Variants in CNTN5 observed in about 807,000 individuals in gnomAD.
CNTN5 encodes the protein contactin-5.
A neutral mutation model predicts 129.1 loss-of-function variants in CNTN5; 77 were observed. The observed-to-expected ratio is 0.60, with a 90% CI of 0.50 to 0.72. The LOEUF is 0.72. Ranked by LOEUF, CNTN5 falls within the 30% of genes least tolerant of loss-of-function variation. The probability of loss-of-function intolerance (pLI) is 0.00; values close to 1 mark genes in which losing one functional copy is unlikely to be tolerated. For missense variants in CNTN5, 1,478 were observed against 1,328.8 expected (o/e 1.11, Z -1.75); for synonymous variants, 509 against 465.6 (o/e 1.09, Z -1.20).
intron 9 of CNTN5, among the ~76,000 whole-genome samples, chr11:100,034,602 C>G (rs964947758): frequency 6.6e-6 from 1 of 152,208 alleles, no homozygotes; most frequent in Non-Finnish European, 1.5e-5. Context: ...GCACCATGGA[C>G]TGGTCACCTG....
intron 2 of CNTN5, among the ~76,000 whole-genome samples, chr11:99,550,309 C>A (rs7112709): frequency 0.11 from 16,608 of 152,136 alleles, 1,145 homozygotes; most frequent in African/African-American, 0.19. Flanking sequence ...TGACAGCAAG[C>A]AATAAGGAGA....
chr11:99,808,689 A>G (rs1232914786), intron 3 of CNTN5, among the ~76,000 whole-genome samples: 1 of 152,280 alleles, frequency 6.6e-6, no homozygotes, highest in Non-Finnish European at 1.5e-5. Context: ...AAAACCATAA[A>G]CATATTTCCA....
At chr11:99,991,668 T>A (rs1939106785) in intron 8 of CNTN5, among the ~76,000 whole-genome samples, 1 of 152,182 alleles carries the variant, frequency 6.6e-6, no homozygotes, top group Non-Finnish European at 1.5e-5. Context: ...CTTAATTCTG[T>A]CTTAATTGGC....
intron 8 of CNTN5, among the ~76,000 whole-genome samples, chr11:99,973,134 A>G (rs562663189): frequency 6.6e-6 from 1 of 152,300 alleles, no homozygotes; most frequent in Non-Finnish European, 1.5e-5. Flanking sequence ...TCCCTTAGAT[A>G]TTCTGATGCA....
chr11:100,128,454 T>G (rs1448109352), intron 13 of CNTN5, among the ~76,000 whole-genome samples: 1 of 152,178 alleles, frequency 6.6e-6, no homozygotes, highest in African/African-American at 2.4e-5. Context: ...CCTGTAAGTA[T>G]GTCACTTTAC....
At chr11:100,267,282 G>C (rs61909780) in intron 17 of CNTN5, among the ~76,000 whole-genome samples, 7,378 of 53,580 alleles carry the variant, frequency 0.14, 504 homozygotes, top group African/African-American at 0.4. Context: ...CACACACACA[G>C]AGAGAGAGAG....
intron 9 of CNTN5, among the ~76,000 whole-genome samples, chr11:100,052,906 C>A (rs1165465448): frequency 6.6e-6 from 1 of 151,578 alleles, no homozygotes; most frequent in Admixed American, 6.6e-5. Context: ...CAGAAATTTA[C>A]CTGCCTTCTA....
Position 99,056,252 on chromosome 11 carries a change from C to A in CNTN5, c.-210+34982C>A, listed in dbSNP as rs1349709368. Among the ~76,000 whole-genome samples, 4 of 151,766 alleles carry A rather than the reference C, an allele frequency of 2.6e-5. No individual in the cohort carries two copies. In the East Asian group the frequency reaches 7.7e-4, roughly 29 times the overall value. On this transcript the variant is annotated intron_variant, in intron 1 of 24. Coordinates refer to ENST00000524871, the MANE Select transcript of CNTN5 (RefSeq NM_014361.4). ...ATTTTCTACAGGAGGAAATGATTTC[C>A]ACACCTACGCAATCATAACCAGTGG...
intron 2 of CNTN5, among the ~76,000 whole-genome samples, chr11:99,412,393 A>G (rs2135014930): frequency 6.6e-6 from 1 of 152,288 alleles, no homozygotes; most frequent in East Asian, 1.9e-4. Flanking sequence ...AAGTTAATCA[A>G]AATCTGTAGT....
intron 3 of CNTN5, among the ~76,000 whole-genome samples, chr11:99,792,633 T>C (rs563105936): frequency 1.3e-4 from 20 of 151,138 alleles, no homozygotes; most frequent in Non-Finnish European, 2.1e-4. Flanking sequence ...GCTGGCCTCA[T>C]GGAATGAGGT....
chr11:99,268,973 A>G (rs992099801), intron 1 of CNTN5, among the ~76,000 whole-genome samples: 4 of 152,158 alleles, frequency 2.6e-5, no homozygotes, highest in Middle Eastern at 3.4e-3. Context: ...TGATGTAAGC[A>G]TTTGACCTGT....
intron 2 of CNTN5, among the ~76,000 whole-genome samples, chr11:99,411,676 C>T (rs1049765415): frequency 1.3e-5 from 2 of 152,142 alleles, no homozygotes; most frequent in Non-Finnish European, 2.9e-5. Flanking sequence ...TCAAATTACT[C>T]CTATTTGTAG....
intron 2 of CNTN5, among the ~76,000 whole-genome samples, chr11:99,345,922 A>T (rs187539604): frequency 6.6e-6 from 1 of 152,332 alleles, no homozygotes; most frequent in Non-Finnish European, 1.5e-5. Context: ...ATTTCAAAAC[A>T]AATCAAAAGA....
intron 13 of CNTN5, among the ~76,000 whole-genome samples, chr11:100,157,076 T>G (rs1475190596): frequency 1.3e-5 from 2 of 152,050 alleles, no homozygotes; most frequent in Non-Finnish European, 2.9e-5. Context: ...TTCTTTTAAT[T>G]GTGATATTAG....
chr11:99,745,018 A>G (rs551735628), intron 3 of CNTN5, among the ~76,000 whole-genome samples: 1 of 152,210 alleles, frequency 6.6e-6, no homozygotes, highest in Non-Finnish European at 1.5e-5. Context: ...ATTGATTGTC[A>G]TCATTGATCT....
At chr11:99,553,118 A>G (rs1159432135) in intron 2 of CNTN5, among the ~76,000 whole-genome samples, 2 of 152,204 alleles carry the variant, frequency 1.3e-5, no homozygotes, top group Non-Finnish European at 2.9e-5. Flanking sequence ...ATGGGATGTC[A>G]TTTCATACAT....
intron 2 of CNTN5, among the ~76,000 whole-genome samples, chr11:99,470,395 A>C (rs911125587): frequency 6.6e-6 from 1 of 152,152 alleles, no homozygotes; most frequent in East Asian, 1.9e-4. Context: ...TTTTCTTTCC[A>C]AAGTGATTAT....
At chr11:100,278,596 T>C (rs1370932518) in intron 18 of CNTN5, among the ~76,000 whole-genome samples, 2 of 152,046 alleles carry the variant, frequency 1.3e-5, no homozygotes, top group African/African-American at 2.4e-5. Flanking sequence ...CTTGATTTCT[T>C]TTTCAGATTG....
intron 2 of CNTN5, among the ~76,000 whole-genome samples, chr11:99,373,752 T>C (rs1246124759): frequency 6.7e-6 from 1 of 150,228 alleles, no homozygotes; most frequent in Non-Finnish European, 1.5e-5. Flanking sequence ...ATATTTTTCA[T>C]CATTCTTAAT....
Sources: allele counts gnomAD v4.1 joint callset (sites outside exome capture counted in the v4.1 genomes callset), GRCh38; gene constraint gnomAD v4.1.1; transcripts MANE v1.5; gene names NCBI Gene and HGNC (gene_info 2026-07-23, HGNC 2026-07-21).